ZRANB2: variants seen among roughly 807,000 people sequenced by gnomAD.
ZRANB2 encodes zinc finger Ran-binding domain-containing protein 2.
ZRANB2 carries 19 observed loss-of-function variants against 53.4 expected under a neutral mutation model. That is an observed-to-expected ratio of 0.36 (90% CI 0.25 to 0.52). The LOEUF (loss-of-function observed/expected upper bound fraction) is 0.52, where lower values mean the gene tolerates loss of function less well. Ranked by LOEUF, ZRANB2 falls within the 20% of genes least tolerant of loss-of-function variation. ZRANB2 has a pLI of 0.93. For missense variants in ZRANB2, 309 were observed against 401.1 expected (o/e 0.77, Z 1.96); for synonymous variants, 145 against 134.8 (o/e 1.08, Z -0.52).
At chr1:71,070,715 A>G (rs891219256) in intron 7 of ZRANB2, 112 bp downstream of exon 7, 11 of 635,458 alleles carry the variant, frequency 1.7e-5, no homozygotes, top group African/African-American at 1.7e-4. Context: ...TTTGAATTAA[A>G]TTTTTAAAAT....
intron 1 of ZRANB2, among the ~76,000 whole-genome samples, chr1:71,080,547 G>C (rs1661817189): frequency 6.6e-6 from 1 of 151,070 alleles, no homozygotes; most frequent in African/African-American, 2.4e-5. Context: ...AATATTTTCC[G>C]TGAACAAGAG....
intron 9 of ZRANB2, chr1:71,066,546 C>A (rs1661442336): frequency 5.3e-6 from 2 of 378,040 alleles, no homozygotes; most frequent in Non-Finnish European, 4.7e-6. Flanking sequence ...ATAAATGGAA[C>A]TAAAAATTTA....
chr1:71,078,811 C>T, intron 1 of ZRANB2, 103 bp from the exon 2 acceptor site: 2 of 998,702 alleles, frequency 2.0e-6, no homozygotes, highest in Non-Finnish European at 1.5e-6. Context: ...TCTAATCCAT[C>T]TTAGTCATGT....
Position 71,072,514 on chromosome 1 carries a change from A to C in ZRANB2, c.336T>G (p.Val112=). The C allele has an allele frequency of 6.2e-7, 1 of 1,608,152 alleles. No individual in the cohort carries two copies. The highest frequency in any genetic ancestry group is 1.3e-5 in the African/African-American group (1 of 74,834). The change falls in exon 5 of 10, where the codon GTT becomes GTG. Residue 112 remains valine, a synonymous_variant. Coordinates refer to ENST00000370920, the MANE Select transcript of ZRANB2 (RefSeq NM_203350.3). ...YGGGFNEREN[V]EYIEREESDG... ...CAGATTCTTCTCTTTCTATATATTC[A>C]ACATTTTCTCTTTCATTAAAACCAC... is the stretch of plus-strand genomic sequence containing the variant.
chr1:71,076,465 C>G (rs954061997), intron 4 of ZRANB2, among the ~76,000 whole-genome samples: 4 of 152,152 alleles, frequency 2.6e-5, no homozygotes, highest in African/African-American at 9.7e-5. Context: ...TCACAGCAGG[C>G]TATCAAAAGA....
intron 4 of ZRANB2, among the ~76,000 whole-genome samples, chr1:71,075,236 T>C (rs1177225941): frequency 6.6e-6 from 1 of 152,182 alleles, no homozygotes; most frequent in Non-Finnish European, 1.5e-5. Flanking sequence ...AACATAGTAA[T>C]TCTTTGCCTA....
At chr1:71,080,884 T>C in intron 1 of ZRANB2, 56 bp downstream of exon 1, 2 of 1,597,094 alleles carry the variant, frequency 1.3e-6, no homozygotes, top group South Asian at 1.1e-5. Context: ...CGGACGGACC[T>C]CGGAAAGCTT....
chr1:71,070,661 A>G (rs17090795), intron 7 of ZRANB2, among the ~76,000 whole-genome samples, 166 bp downstream of exon 7: 1,920 of 152,348 alleles, frequency 0.013, 46 homozygotes, highest in African/African-American at 0.043. Context: ...AATACTGGAC[A>G]ACAACTGTAT....
Position 71,063,553 on chromosome 1 carries a change from C to A in ZRANB2, c.*1521G>T, listed in dbSNP as rs1661353156. On this transcript the variant is annotated 3_prime_UTR_variant, in exon 10 of 10. Coordinates refer to ENST00000370920, the MANE Select transcript of ZRANB2 (RefSeq NM_203350.3). ...CAATGGTAACATGTAGAATCTAGAT[C>A]GTCGGGGCAATTTAGAAGGTAGACT... 6.6e-6 allele frequency: 1 copy of A among 152,312 alleles called. No homozygotes were observed. The highest frequency in any genetic ancestry group is 2.4e-5 in the African/African-American group (1 of 41,394). The allele number at this position is 152,312 out of a possible 1,614,324, so 9.4% of individuals were successfully genotyped here.
At chr1:71,066,739 T>C (rs1187456889) in intron 9 of ZRANB2, 37 bp downstream of exon 9, 2 of 1,603,436 alleles carry the variant, frequency 1.2e-6, no homozygotes, top group African/African-American at 2.7e-5. Flanking sequence ...TAAACACACT[T>C]AAGAACACCC....
intron 9 of ZRANB2, 71 bp from the exon 10 acceptor site, chr1:71,065,208 C>A: frequency 8.0e-7 from 1 of 1,246,464 alleles, no homozygotes; most frequent in South Asian, 1.4e-5. Context: ...ATTCTTAAGA[C>A]TGTGAAAGTA....
chr1:71,076,898 A>C (rs1661721566), intron 3 of ZRANB2, 21 bp from the exon 4 acceptor site: 1 of 1,557,486 alleles, frequency 6.4e-7, no homozygotes, highest in East Asian at 2.2e-5. Flanking sequence ...GAAAAATACT[A>C]AATTAGTAGG....
At chr1:71,073,019 C>T (rs1661627976) in intron 4 of ZRANB2, among the ~76,000 whole-genome samples, 1 of 152,062 alleles carries the variant, frequency 6.6e-6, no homozygotes, top group South Asian at 2.1e-4. Context: ...TTGGAAAATT[C>T]CTAATTACAC....
In ZRANB2 at chr1:71,066,885, A is replaced by G; in HGVS notation, c.820T>C (p.Tyr274His). The G allele has an allele frequency of 6.2e-7, 1 of 1,606,942 alleles. No homozygotes were observed. The highest frequency in any genetic ancestry group is 8.5e-7 in the Non-Finnish European group (1 of 1,177,010). ...RGSSSPRKRSYSSSSSSPERN... is the reference protein window; with the variant it reads ...RGSSSPRKRSHSSSSSSPERN... ...TCAGGAGAAGATGATGAACTTGAAT[A>G]AGATCTTTTTCGTGGGGAAGAAGAG... Residue 274 changes from tyrosine to histidine, a missense_variant, in exon 9 of 10, where the codon TAT becomes CAT. By Grantham distance (83) the Tyr-to-His change is moderately conservative. Around this residue, in one of 3 missense-constraint regions of ZRANB2, gnomAD observed 211 missense variants for 196.1 expected, o/e 1.08. Coordinates refer to ENST00000370920, the MANE Select transcript of ZRANB2 (RefSeq NM_203350.3).
At chr1:71,068,797 ATTTT>A (rs778528498) in intron 8 of ZRANB2, among the ~76,000 whole-genome samples, 1 of 143,750 alleles carries the variant, frequency 7.0e-6, no homozygotes, top group Non-Finnish European at 1.5e-5. Flanking sequence ...ACTACTATTA[ATTTT>A]TTTTTTTTTT....
chr1:71,080,894 T>C, intron 1 of ZRANB2, 46 bp downstream of exon 1: 1 of 1,605,210 alleles, frequency 6.2e-7, no homozygotes, highest in Non-Finnish European at 8.5e-7. Context: ...TCGGAAAGCT[T>C]CCACTAACAA....
intron 8 of ZRANB2, chr1:71,067,739 T>C (rs1398863839): frequency 2.4e-6 from 1 of 413,054 alleles, no homozygotes; most frequent in Non-Finnish European, 4.8e-6. Context: ...TTGGGAAGAA[T>C]ATGATGGGTG....
intron 4 of ZRANB2, among the ~76,000 whole-genome samples, chr1:71,075,134 C>T (rs1449838420): frequency 6.6e-6 from 1 of 151,906 alleles, no homozygotes; most frequent in East Asian, 1.9e-4. Context: ...AGACTTTATC[C>T]TAAAAGCAAT....
chr1:71,065,293 G>C (rs1049905323), intron 9 of ZRANB2, among the ~76,000 whole-genome samples, 156 bp from the exon 10 acceptor site: 1 of 151,962 alleles, frequency 6.6e-6, no homozygotes, highest in African/African-American at 2.4e-5. Flanking sequence ...AAAATTATCT[G>C]ATGTTTAGAC....
Sources: allele counts gnomAD v4.1 joint callset (sites outside exome capture counted in the v4.1 genomes callset), GRCh38; gene constraint gnomAD v4.1.1; regional missense constraint gnomAD v4.1.1; transcripts MANE v1.5; gene names NCBI Gene and HGNC (gene_info 2026-07-23, HGNC 2026-07-21).